SCN11A: variants seen among roughly 807,000 people sequenced by gnomAD.
SCN11A encodes sodium channel protein type 11 subunit alpha.
A neutral mutation model predicts 162.2 loss-of-function variants in SCN11A; 122 were observed. The ratio of observed to expected loss-of-function variants is 0.75; its 90% CI spans 0.65 to 0.87. The LOEUF is 0.87. Ranked by LOEUF, SCN11A falls within the 40% of genes least tolerant of loss-of-function variation. The pLI, the probability that SCN11A is intolerant of heterozygous loss-of-function variation, is 0.00. For synonymous variants in SCN11A, 758 were observed against 751.5 expected (o/e 1.01, Z -0.14); for missense variants, 2,015 against 2,181.6 (o/e 0.92, Z 1.52).
rs142147434 is a variant in SCN11A at position 38,886,171 on chromosome 3, A to C, written c.2903T>G (p.Met968Arg). The change falls in exon 20 of 30, where the codon ATG (methionine) becomes AGG (arginine). Residue 968 changes from methionine to arginine, a missense_variant. Transcript: ENST00000302328. ...SQRVQSVEID[M>R]FSEDEPHLTI... ...CAGATGAGGCTCATCTTCAGAGAACATGTCAATTTCCACACTTTGAACTCT... is the reference window on the plus strand; with the variant it reads ...CAGATGAGGCTCATCTTCAGAGAACCTGTCAATTTCCACACTTTGAACTCT... 6 of 1,612,912 alleles carry C rather than the reference A, an allele frequency of 3.7e-6. No homozygotes were observed. The African/African-American group carries it at 8.0e-5, about 22-fold the overall frequency.
chr3:38,914,820 G>A (rs935717219), intron 11 of SCN11A, among the ~76,000 whole-genome samples: 2 of 152,154 alleles, frequency 1.3e-5, no homozygotes, highest in African/African-American at 4.8e-5. Flanking sequence ...GCATCCCAAG[G>A]ATGAAGCCTA....
chr3:38,916,770 A>C (rs1194251307), intron 11 of SCN11A, among the ~76,000 whole-genome samples: 1 of 152,090 alleles, frequency 6.6e-6, no homozygotes, highest in African/African-American at 2.4e-5. Context: ...GGAACCTCCT[A>C]CTTAGACTTC....
At chr3:38,988,750 T>A (rs1488182105) in intron 2 of SCN11A, among the ~76,000 whole-genome samples, 1 of 152,198 alleles carries the variant, frequency 6.6e-6, no homozygotes, top group Non-Finnish European at 1.5e-5. Context: ...CAACTCTGAT[T>A]TTATAAATGA....
intron 1 of SCN11A, among the ~76,000 whole-genome samples, chr3:39,036,234 C>A (rs1205354117): frequency 1.2e-4 from 18 of 152,172 alleles, no homozygotes; most frequent in Admixed American, 6.5e-4. Flanking sequence ...ACCTCCGCCT[C>A]CCAGGTTCAA....
At chr3:38,914,476 T>G (rs1215835854) in intron 11 of SCN11A, among the ~76,000 whole-genome samples, 1 of 152,140 alleles carries the variant, frequency 6.6e-6, no homozygotes, top group Non-Finnish European at 1.5e-5. Flanking sequence ...TGGATGCCCT[T>G]TATTTCTTTT....
intron 2 of SCN11A, among the ~76,000 whole-genome samples, chr3:38,984,510 C>T (rs1344340717): frequency 6.7e-6 from 1 of 149,146 alleles, no homozygotes; most frequent in Non-Finnish European, 1.5e-5. Context: ...GAAATTTGTG[C>T]TGAGCTTTTT....
intron 15 of SCN11A, among the ~76,000 whole-genome samples, chr3:38,904,790 G>T (rs143606282): frequency 1.3e-5 from 2 of 152,244 alleles, no homozygotes; most frequent in African/African-American, 2.4e-5. Flanking sequence ...GCCCATGTGG[G>T]GTTTCTGACT....
intron 2 of SCN11A, among the ~76,000 whole-genome samples, chr3:39,018,636 G>C (rs1453705550): frequency 6.6e-6 from 1 of 152,108 alleles, no homozygotes; most frequent in Non-Finnish European, 1.5e-5. Flanking sequence ...GGCTAACATG[G>C]TGAAATCCTG....
chr3:39,009,996 A>C (rs114233128), intron 2 of SCN11A, among the ~76,000 whole-genome samples: 1 of 151,842 alleles, frequency 6.6e-6, no homozygotes, highest in Non-Finnish European at 1.5e-5. Context: ...GGGCATGTAC[A>C]TAGCCATATT....
chr3:39,016,282 T>C (rs1306366477), intron 2 of SCN11A, among the ~76,000 whole-genome samples: 1 of 152,210 alleles, frequency 6.6e-6, no homozygotes, highest in Non-Finnish European at 1.5e-5. Context: ...GCAGTAAAAT[T>C]CTCAGGTATC....
At chr3:39,000,323 T>G (rs1406984710) in intron 2 of SCN11A, among the ~76,000 whole-genome samples, 1 of 152,180 alleles carries the variant, frequency 6.6e-6, no homozygotes, top group African/African-American at 2.4e-5. Flanking sequence ...GTGGACTGGG[T>G]AGAGCTTGGT....
In SCN11A at chr3:38,909,126, G is replaced by A; in HGVS notation, c.1170C>T (p.Tyr390=). Reference sequence around the variant, plus strand: ...CAACAGCCAGGGTTAAGTTAATCAGGTAGAAGGAGCCCAGGAAAATGACCA... The same window carrying A: ...CAACAGCCAGGGTTAAGTTAATCAGATAGAAGGAGCCCAGGAAAATGACCA... The part of the protein sequence containing the change: ...FIVVIFLGSF[Y]LINLTLAVVT... The change falls in exon 13 of 30, where the codon TAC becomes TAT. Residue 390 remains tyrosine (Y), a synonymous_variant. Coordinates refer to ENST00000302328, the MANE Select transcript of SCN11A (RefSeq NM_001349253.2). 6.2e-7 allele frequency: 1 copy of A among 1,614,112 alleles called. No individual in the cohort carries two copies. The highest frequency in any genetic ancestry group is 8.5e-7 in the Non-Finnish European group (1 of 1,180,000).
intron 11 of SCN11A, among the ~76,000 whole-genome samples, chr3:38,913,040 T>C (rs1233354997): frequency 1.3e-5 from 2 of 152,184 alleles, no homozygotes; most frequent in Non-Finnish European, 2.9e-5. Context: ...AGTTCTGTTT[T>C]AGGTCTTTGA....
At position 38,900,199 on chromosome 3, in the gene SCN11A, T is replaced by TGCAATAG. The variant is rs1298781415; in HGVS notation, c.1843-127_1843-126insCTATTGC. 1.6e-4 allele frequency: 110 copies of TGCAATAG among 702,534 alleles called. No homozygotes were observed. In the East Asian group the frequency reaches 1.8e-3, roughly 12 times the overall value. 43.5% of individuals were successfully genotyped at this position (702,534 alleles called of 1,614,324 possible). The stretch of plus-strand genomic sequence containing the variant: ...TTCTCATGATTGACACACTATACCC[T>TGCAATAG]AAAGTCCATGCAATAGAAATATTTA... On this transcript the variant is annotated intron_variant, in intron 16 of 29. Transcript: ENST00000302328.
intron 2 of SCN11A, among the ~76,000 whole-genome samples, chr3:39,025,592 C>A (rs2031568292): frequency 6.6e-6 from 1 of 152,078 alleles, no homozygotes; most frequent in Non-Finnish European, 1.5e-5. Context: ...TGTAAACTGT[C>A]ATGGCGCTGG....
intron 2 of SCN11A, among the ~76,000 whole-genome samples, chr3:38,999,320 C>T (rs536468319): frequency 9.2e-5 from 14 of 152,202 alleles, no homozygotes; most frequent in Non-Finnish European, 2.1e-4. Context: ...TTTTGGTGTG[C>T]TTTTTTTCTA....
chr3:38,921,291 C>A lies in SCN11A; in HGVS notation c.713-36G>T, dbSNP rs574291265. The A allele has an allele frequency of 5.6e-6, 9 of 1,596,260 alleles. No individual in the cohort carries two copies. In the South Asian group the frequency reaches 9.0e-5, roughly 16 times the overall value. On this transcript the variant is annotated intron_variant, in intron 9 of 29. Coordinates refer to ENST00000302328, the MANE Select transcript of SCN11A (RefSeq NM_001349253.2). The stretch of plus-strand genomic sequence containing the variant: ...GGACAGGCTTGGGGAGAAGCCCATC[C>A]CCCTCAGCCAGACACTCACAAAGGC...
At chr3:39,013,215 CT>C (rs764468568) in intron 2 of SCN11A, among the ~76,000 whole-genome samples, 3 of 152,188 alleles carry the variant, frequency 2.0e-5, no homozygotes, top group Non-Finnish European at 4.4e-5. Context: ...AGATAATGAT[CT>C]TTAGCAAATT....
chr3:38,905,413 G>C, intron 14 of SCN11A, 92 bp from the exon 15 acceptor site: 2 of 1,438,708 alleles, frequency 1.4e-6, no homozygotes, highest in Non-Finnish European at 1.9e-6. Flanking sequence ...TACATGTAAT[G>C]AAAGTGCTCA....
Sources: allele counts gnomAD v4.1 joint callset (sites outside exome capture counted in the v4.1 genomes callset), GRCh38; gene constraint gnomAD v4.1.1; transcripts MANE v1.5; gene names NCBI Gene and HGNC (gene_info 2026-07-23, HGNC 2026-07-21).